The following STPG2 variants were observed in gnomAD, a reference collection of about 807,000 sequenced individuals.
STPG2 encodes sperm tail PG-rich repeat containing 2.
STPG2 carries 56 observed loss-of-function variants against 54.2 expected under a neutral mutation model. The observed-to-expected ratio is 1.03, with a 90% confidence interval of 0.83 to 1.29. The LOEUF (loss-of-function observed/expected upper bound fraction) is 1.29, where lower values mean the gene tolerates loss of function less well. Ranked by LOEUF, STPG2 falls within the 50% of genes most tolerant of loss-of-function variation. The pLI is 0.00. For missense variants in STPG2, 596 were observed against 544.9 expected, an observed-to-expected ratio of 1.09 and a Z score of -0.93; for synonymous variants, 200 against 181.8, an observed-to-expected ratio of 1.10 and a Z score of -0.81.
At chr4:97,873,656 T>C (rs1488744728) in intron 8 of STPG2, among the ~76,000 whole-genome samples, 1 of 151,526 alleles carries the variant, frequency 6.6e-6, no homozygotes, top group African/African-American at 2.4e-5. Flanking sequence ...CTCAAAAGTA[T>C]CCTAGTACTA....
At chr4:98,098,118 A>T (rs1370755807) in intron 5 of STPG2, among the ~76,000 whole-genome samples, 1 of 152,180 alleles carries the variant, frequency 6.6e-6, no homozygotes, top group East Asian at 1.9e-4. Flanking sequence ...ACAAAAAGAA[A>T]AAAACATCCT....
intron 9 of STPG2, among the ~76,000 whole-genome samples, chr4:97,740,902 C>A (rs1725204209): frequency 6.6e-6 from 1 of 152,044 alleles, no homozygotes; most frequent in Non-Finnish European, 1.5e-5. Context: ...GCCCGCATCG[C>A]CAAGTCAATC....
rs368458926 is a variant in STPG2, at chr4:97,613,180, A to G, written c.1321-54063T>C. Among the ~76,000 whole-genome samples, 12 of 152,142 alleles carry G rather than the reference A, an allele frequency of 7.9e-5. No homozygotes were observed. The South Asian group carries it at 1.5e-3, about 18-fold the overall frequency. Reference sequence around the variant, plus strand: ...ATGTCCTCTTCCTTTTTAAGGATCTAATCCAGAATATAACAGTGCAGTTAG... The same window carrying G: ...ATGTCCTCTTCCTTTTTAAGGATCTGATCCAGAATATAACAGTGCAGTTAG... On this transcript the variant is annotated intron_variant, in intron 10 of 10. Transcript: ENST00000295268.
intron 9 of STPG2, among the ~76,000 whole-genome samples, chr4:97,802,945 A>G (rs891701551): frequency 6.6e-6 from 1 of 152,194 alleles, no homozygotes; most frequent in Admixed American, 6.5e-5. Flanking sequence ...CTCTATTACA[A>G]TGAACTTAGT....
At chr4:97,733,867 G>T (rs1724885783) in intron 9 of STPG2, among the ~76,000 whole-genome samples, 1 of 152,118 alleles carries the variant, frequency 6.6e-6, no homozygotes, top group Non-Finnish European at 1.5e-5. Flanking sequence ...CGATATTTTG[G>T]TTTCTCTCAG....
intron 10 of STPG2, among the ~76,000 whole-genome samples, chr4:97,625,810 G>A (rs1201255226): frequency 1.3e-5 from 2 of 152,184 alleles, no homozygotes; most frequent in Non-Finnish European, 2.9e-5. Flanking sequence ...GATAACCACT[G>A]TGATTCCATG....
chr4:97,452,203 T>C (rs888233084), intron 4 of STPG2, among the ~76,000 whole-genome samples: 7 of 140,146 alleles, frequency 5.0e-5, no homozygotes, highest in African/African-American at 1.8e-4. Context: ...CCTACACACC[T>C]GGGGGCCCAG....
chr4:97,787,526 G>C lies in STPG2; in HGVS notation c.1204+53247C>G, dbSNP rs184890041. Among the ~76,000 whole-genome samples, 12 of 152,026 alleles carry C rather than the reference G, an allele frequency of 7.9e-5. No individual in the cohort carries two copies. The East Asian group carries it at 2.1e-3, about 27-fold the overall frequency. On this transcript the variant is annotated intron_variant, in intron 9 of 10. Transcript: ENST00000295268. ...TTTTATATTAAGCTAAATTCAACTT[G>C]ATATTTTGTTAAAGATTTTGTGTCT...
At chr4:97,814,607 G>T (rs980488221) in intron 9 of STPG2, among the ~76,000 whole-genome samples, 4 of 152,062 alleles carry the variant, frequency 2.6e-5, no homozygotes, top group Non-Finnish European at 5.9e-5. Flanking sequence ...ATTGATCCTG[G>T]GTGTGTCTGT....
chr4:97,621,315 G>C (rs1180861793), intron 10 of STPG2, among the ~76,000 whole-genome samples: 1 of 152,074 alleles, frequency 6.6e-6, no homozygotes, highest in Non-Finnish European at 1.5e-5. Flanking sequence ...AAGAAATTGA[G>C]ATGTAATAAA....
chr4:97,836,026 G>C (rs956637234), intron 9 of STPG2, among the ~76,000 whole-genome samples: 1 of 152,034 alleles, frequency 6.6e-6, no homozygotes, highest in Admixed American at 6.6e-5. Context: ...TACTCCTGGT[G>C]AAGATGCTGT....
At position 97,647,156 on chromosome 4, in the gene STPG2, T is replaced by C. The variant is rs145632558; in HGVS notation, c.1320+65543A>G. ...GATTAAATGAATCATTCTGGTCAGA[T>C]GAGAAGTAGCATAAATGCTTGTTGG... On this transcript the variant is annotated intron_variant, in intron 10 of 10. Transcript: ENST00000295268. 8.5e-5 allele frequency among the ~76,000 whole-genome samples: 13 copies of C among 152,268 alleles called. No individual in the cohort carries two copies. In the East Asian group the frequency reaches 2.5e-3, roughly 29 times the overall value.
intron 10 of STPG2, among the ~76,000 whole-genome samples, chr4:97,675,682 T>TGA (rs1722815705): frequency 6.6e-6 from 1 of 151,802 alleles, no homozygotes; most frequent in Admixed American, 6.6e-5. Context: ...TTTGTGTGTG[T>TGA]GTGTGTGTGT....
chr4:97,823,346 A>G (rs1425834059), intron 9 of STPG2, among the ~76,000 whole-genome samples: 1 of 152,192 alleles, frequency 6.6e-6, no homozygotes, highest in Non-Finnish European at 1.5e-5. Context: ...TGAAAATCCT[A>G]GGATCCTTAA....
intron 10 of STPG2, among the ~76,000 whole-genome samples, chr4:97,612,582 C>T (rs368440820): frequency 1.3e-5 from 2 of 151,994 alleles, no homozygotes; most frequent in South Asian, 2.1e-4. Context: ...TAGTGTAAAA[C>T]TGGCATTTTA....
intron 9 of STPG2, among the ~76,000 whole-genome samples, chr4:97,792,500 G>C (rs928146864): frequency 1.3e-5 from 2 of 152,086 alleles, no homozygotes; most frequent in Non-Finnish European, 2.9e-5. Context: ...ATCTCTCACT[G>C]TTATGACAAT....
At chr4:97,624,488 A>C (rs1734090362) in intron 10 of STPG2, among the ~76,000 whole-genome samples, 1 of 152,012 alleles carries the variant, frequency 6.6e-6, no homozygotes, top group Admixed American at 6.6e-5. Context: ...TTGTTCTTGT[A>C]AATTTGTTTA....
At chr4:97,529,262 C>T (rs1393369040) in intron 4 of STPG2, among the ~76,000 whole-genome samples, 1 of 152,090 alleles carries the variant, frequency 6.6e-6, no homozygotes, top group African/African-American at 2.4e-5. Flanking sequence ...GTCATTGGTT[C>T]TGTTCATGTG....
intron 8 of STPG2, among the ~76,000 whole-genome samples, chr4:97,927,519 A>G (rs2149215749): frequency 6.6e-6 from 1 of 152,246 alleles, no homozygotes; most frequent in Middle Eastern, 3.4e-3. Flanking sequence ...CTCTCAGTTT[A>G]TGCTAAACAA....
Sources: gnomAD v4.1 joint callset for allele counts (sites outside exome capture counted in the v4.1 genomes callset) on GRCh38, gnomAD v4.1.1 for gene constraint, MANE v1.5 for transcripts, NCBI Gene and HGNC (gene_info 2026-07-23, HGNC 2026-07-21) for gene names.